Variants in SEC14L1 observed in about 807,000 individuals in gnomAD.
SEC14L1 encodes the protein SEC14-like protein 1.
SEC14L1 carries 48 observed loss-of-function variants against 85.3 expected under a neutral mutation model. The observed-to-expected ratio is 0.56, with a 90% CI of 0.45 to 0.72. The LOEUF (loss-of-function observed/expected upper bound fraction) is 0.72. Ranked by LOEUF, SEC14L1 falls within the 30% of genes least tolerant of loss-of-function variation. The pLI, the probability that SEC14L1 is intolerant of heterozygous loss-of-function variation, is 0.00. For missense variants in SEC14L1, 682 were observed against 921.4 expected (o/e 0.74, Z 3.36); for synonymous variants, 391 against 355.5 (o/e 1.10, Z -1.12).
intron 3 of SEC14L1, among the ~76,000 whole-genome samples, chr17:77,164,612 T>TG (rs1042550275): frequency 4.6e-5 from 7 of 152,210 alleles, no homozygotes; most frequent in Admixed American, 2.0e-4. Context: ...CTCTGCCATA[T>TG]GCCTCCCCGG....
intron 3 of SEC14L1, among the ~76,000 whole-genome samples, chr17:77,104,422 T>TG (rs1168690081): frequency 2.0e-5 from 2 of 99,370 alleles, no homozygotes; most frequent in Non-Finnish European, 4.1e-5. Flanking sequence ...CGCCCGGCCT[T>TG]GTGTTTACTT....
intron 3 of SEC14L1, among the ~76,000 whole-genome samples, chr17:77,100,068 G>C (rs1192967707): frequency 6.6e-6 from 1 of 152,236 alleles, no homozygotes; most frequent in African/African-American, 2.4e-5. Flanking sequence ...GCTCCCAGCG[G>C]GAGCCATTTT....
chr17:77,203,810 A>G (rs1976309267), intron 10 of SEC14L1, 152 bp downstream of exon 10: 1 of 628,900 alleles, frequency 1.6e-6, no homozygotes, highest in East Asian at 3.0e-5. Flanking sequence ...TTAAAATTTC[A>G]AAAGGAGACA....
intron 3 of SEC14L1, among the ~76,000 whole-genome samples, chr17:77,110,236 C>G (rs183270186): frequency 6.6e-6 from 1 of 152,120 alleles, no homozygotes; most frequent in East Asian, 1.9e-4. Flanking sequence ...GGAAAGGAAA[C>G]GCATTCTTGG....
chr17:77,162,527 G>A (rs184216253), intron 3 of SEC14L1, among the ~76,000 whole-genome samples: 2 of 152,200 alleles, frequency 1.3e-5, no homozygotes, highest in Admixed American at 1.3e-4. Context: ...CCACATGGTG[G>A]AAAGGTTAAA....
rs1382591340 is a variant in SEC14L1 at position 77,215,527 on chromosome 17, G to A, written c.*1504G>A. ...TGGAGGCCATGTGTGCCCCGTGCAGGGATCAGGAGGGCGGGGGAGGGACCG... is the reference window on the plus strand; with the variant it reads ...TGGAGGCCATGTGTGCCCCGTGCAGAGATCAGGAGGGCGGGGGAGGGACCG... On this transcript the variant is annotated 3_prime_UTR_variant, in exon 17 of 17. Coordinates refer to ENST00000436233, the MANE Select transcript of SEC14L1 (RefSeq NM_001143998.2). 2 of 986,312 alleles carry A rather than the reference G, an allele frequency of 2.0e-6. No individual in the cohort carries two copies. The highest frequency in any genetic ancestry group is 1.2e-6 in the Non-Finnish European group (1 of 830,416). 61.1% of individuals were successfully genotyped at this position (986,312 alleles called of 1,614,324 possible). A position where few individuals can be genotyped will look rare whatever the true frequency, so the allele number is the denominator to read the frequency against.
At chr17:77,180,563 G>A (rs183273440) in intron 3 of SEC14L1, among the ~76,000 whole-genome samples, 9 of 152,230 alleles carry the variant, frequency 5.9e-5, no homozygotes, top group African/African-American at 1.2e-4. Context: ...TGATCTAAGC[G>A]CAGATTACCA....
At chr17:77,096,443 G>A (rs1567866333) in intron 3 of SEC14L1, among the ~76,000 whole-genome samples, 1 of 151,740 alleles carries the variant, frequency 6.6e-6, no homozygotes, top group Non-Finnish European at 1.5e-5. Flanking sequence ...TATAATCCCA[G>A]CTACTCGGGA....
In SEC14L1 at chr17:77,158,167, C is replaced by T. The variant is rs546620990; in HGVS notation, c.63+14508C>T. On this transcript the variant is annotated intron_variant, in intron 3 of 16. Coordinates refer to ENST00000436233, the MANE Select transcript of SEC14L1 (RefSeq NM_001143998.2). The stretch of plus-strand genomic sequence containing the variant: ...CCTTCCAAAGTGCTGGGATTACAGG[C>T]GTGAGCCATCGTGCCCGGCCTGTAA... 9.8e-5 allele frequency among the ~76,000 whole-genome samples: 15 copies of T among 152,330 alleles called. No homozygotes were observed. The East Asian group carries it at 1.9e-3, about 20-fold the overall frequency.
At chr17:77,155,333 C>T (rs1973759349) in intron 3 of SEC14L1, among the ~76,000 whole-genome samples, 1 of 152,166 alleles carries the variant, frequency 6.6e-6, no homozygotes, top group African/African-American at 2.4e-5. Context: ...CCCACACCCA[C>T]ACACCCACCC....
At chr17:77,145,439 G>T (rs1044258253) in intron 3 of SEC14L1, among the ~76,000 whole-genome samples, 3 of 152,148 alleles carry the variant, frequency 2.0e-5, no homozygotes, top group African/African-American at 7.2e-5. Context: ...TTCCCTTTCA[G>T]GTGTGAGGTT....
intron 3 of SEC14L1, among the ~76,000 whole-genome samples, chr17:77,129,775 C>T (rs752703657): frequency 5.9e-5 from 9 of 152,076 alleles, no homozygotes; most frequent in Non-Finnish European, 1.2e-4. Context: ...TTCACCCAGT[C>T]GCGCCTTGTG....
At chr17:77,097,025 C>T (rs567203542) in intron 3 of SEC14L1, among the ~76,000 whole-genome samples, 3 of 152,158 alleles carry the variant, frequency 2.0e-5, no homozygotes, top group East Asian at 1.9e-4. Flanking sequence ...AGGCACTGCA[C>T]GTGGAGATAA....
rs375488495 is a variant in SEC14L1, at chr17:77,206,718, C to T, written c.1342-10C>T. The T allele has an allele frequency of 1.1e-5, 17 of 1,589,828 alleles. No homozygotes were observed. The highest frequency in any genetic ancestry group is 1.4e-5 in the Non-Finnish European group (16 of 1,171,084). On this transcript the variant is annotated splice_polypyrimidine_tract_variant and intron_variant, in intron 12 of 16. Coordinates refer to ENST00000436233, the MANE Select transcript of SEC14L1 (RefSeq NM_001143998.2). This position sits in a 1 kb window ranked among gnomAD's most constrained non-coding sequence, Gnocchi z 4.3. ...AGAAATATGACTGCATGGTCTTCTC[C>T]TCCTCACAGGTTAGTCCGTTCATTG...
chr17:77,210,478 CGG>C (rs1157936085), intron 14 of SEC14L1: 1 of 152,736 alleles, frequency 6.5e-6, no homozygotes, highest in Non-Finnish European at 1.5e-5. Flanking sequence ...TGGTGCTGGC[CGG>C]GAGCTGACTG....
chr17:77,107,794 C>G (rs1971948487), intron 3 of SEC14L1, among the ~76,000 whole-genome samples: 1 of 152,212 alleles, frequency 6.6e-6, no homozygotes. Context: ...GGTTTTCAAG[C>G]TTTACTTGGA....
Position 77,203,563 on chromosome 17 carries a change from T to A in SEC14L1, c.1010-7T>A, listed in dbSNP as rs1422756289. 6.8e-6 allele frequency: 11 copies of A among 1,613,064 alleles called. No individual in the cohort carries two copies. The highest frequency in any genetic ancestry group is 9.3e-6 in the Non-Finnish European group (11 of 1,179,376). On this transcript the variant is annotated splice_region_variant and splice_polypyrimidine_tract_variant and intron_variant, in intron 9 of 16. Transcript: ENST00000436233. ...GCTGACAACTCATTCCTTCCCCTCC[T>A]CTGCAGATGGGCGGCCCCTCTACGT...
chr17:77,158,730 T>G (rs1323379569), intron 3 of SEC14L1, among the ~76,000 whole-genome samples: 1 of 151,926 alleles, frequency 6.6e-6, no homozygotes, highest in African/African-American at 2.4e-5. Flanking sequence ...TTGGGTTGTT[T>G]CTACCTTTTG....
At chr17:77,196,542 C>T (rs1975814654) in intron 8 of SEC14L1, among the ~76,000 whole-genome samples, 1 of 152,232 alleles carries the variant, frequency 6.6e-6, no homozygotes, top group South Asian at 2.1e-4. Context: ...GGTCTGGCTA[C>T]AAACAGTGTC....
Sources: gnomAD v4.1 joint callset for allele counts (sites outside exome capture counted in the v4.1 genomes callset) on GRCh38, gnomAD v4.1.1 for gene constraint, Gnocchi (gnomAD v3.1) non-coding constraint, MANE v1.5 for transcripts, NCBI Gene and HGNC (gene_info 2026-07-23, HGNC 2026-07-21) for gene names.